The following DNAH14 variants were observed in gnomAD, a reference collection of about 807,000 sequenced individuals.
DNAH14 encodes dynein axonemal heavy chain 14.
DNAH14 carries 478 observed loss-of-function variants against 520.9 expected under a neutral mutation model. The ratio of observed to expected loss-of-function variants is 0.92; its 90% CI spans 0.85 to 0.99. DNAH14 has a LOEUF of 0.99. Among genes scored for constraint, DNAH14 ranks in the 50% least tolerant of loss-of-function variants. The pLI is 0.00. For synonymous variants in DNAH14, 1,581 were observed against 1,757.2 expected, an observed-to-expected ratio of 0.90 and a Z score of 2.51; for missense variants, 4,831 against 5,234.5, an observed-to-expected ratio of 0.92 and a Z score of 2.38.
Position 225,007,457 on chromosome 1 carries a change from G to A in DNAH14, c.1020G>A (p.Glu340=), listed in dbSNP as rs2064267556. ...RTYSLDEFCE[E]QLQQATQALK... is the part of the protein sequence containing the mutation. ...ATTCTCTAGATGAATTTTGTGAAGA[G>A]CAGTTACAGCAAGCTACCCAGGCAT... The change falls in exon 10 of 86, where the codon GAG becomes GAA. Residue 340 remains glutamate, a synonymous_variant. Coordinates refer to ENST00000682510, the MANE Select transcript of DNAH14 (RefSeq NM_001367479.1). 6.5e-7 allele frequency: 1 copy of A among 1,541,110 alleles called. No homozygotes were observed.
intron 23 of DNAH14, among the ~76,000 whole-genome samples, chr1:225,110,609 G>A (rs773165868): frequency 3.3e-5 from 5 of 149,350 alleles, no homozygotes; most frequent in Admixed American, 6.7e-5. Context: ...TTTTCTTTAT[G>A]TTTTTTTCTA....
At chr1:225,272,446 G>C (rs1395053250) in intron 51 of DNAH14, among the ~76,000 whole-genome samples, 2 of 152,126 alleles carry the variant, frequency 1.3e-5, no homozygotes, top group Non-Finnish European at 2.9e-5. Context: ...CAACAGTGCT[G>C]ACTTAGTTAT....
At chr1:225,148,684 G>C (rs1188624555) in intron 31 of DNAH14, among the ~76,000 whole-genome samples, 1 of 152,108 alleles carries the variant, frequency 6.6e-6, no homozygotes, top group Admixed American at 6.6e-5. Flanking sequence ...ACAGGCATGA[G>C]TCACTGTGCC....
chr1:225,037,273 G>A (rs957040355), intron 11 of DNAH14, among the ~76,000 whole-genome samples: 1 of 151,928 alleles, frequency 6.6e-6, no homozygotes, highest in Admixed American at 6.6e-5. Flanking sequence ...TTTATTTTTG[G>A]TTCTTTTGTG....
chr1:225,296,436 T>G (rs1229836650), intron 55 of DNAH14, among the ~76,000 whole-genome samples: 3 of 151,670 alleles, frequency 2.0e-5, no homozygotes, highest in Non-Finnish European at 4.4e-5. Flanking sequence ...GAACTATTTA[T>G]CTCATTTTGT....
intron 75 of DNAH14, 70 bp from the exon 76 acceptor site, chr1:225,364,722 G>T (rs1558529757): frequency 1.2e-5 from 14 of 1,135,490 alleles, no homozygotes; most frequent in South Asian, 1.6e-5. Flanking sequence ...ACAGTGAAAT[G>T]CTATGATTCT....
At chr1:225,093,402 T>C (rs1250949880) in intron 21 of DNAH14, among the ~76,000 whole-genome samples, 3 of 152,140 alleles carry the variant, frequency 2.0e-5, no homozygotes, top group Non-Finnish European at 4.4e-5. Context: ...TCTCAATAGA[T>C]GCAGAAAAAG....
chr1:225,127,251 C>T (rs1177898769), intron 27 of DNAH14, among the ~76,000 whole-genome samples: 1 of 152,068 alleles, frequency 6.6e-6, no homozygotes, highest in South Asian at 2.1e-4. Flanking sequence ...GAGTTCAATT[C>T]CTGGATATCC....
chr1:225,312,396 A>G (rs564621406), intron 60 of DNAH14, among the ~76,000 whole-genome samples: 2 of 152,246 alleles, frequency 1.3e-5, no homozygotes, highest in East Asian at 3.9e-4. Flanking sequence ...GCAAACAGAG[A>G]CAATTTGACT....
At chr1:225,320,675 T>C (rs1156816934) in intron 61 of DNAH14, among the ~76,000 whole-genome samples, 4 of 152,176 alleles carry the variant, frequency 2.6e-5, no homozygotes, top group African/African-American at 7.2e-5. Flanking sequence ...CCATGATACT[T>C]TCATCCTTTG....
intron 23 of DNAH14, among the ~76,000 whole-genome samples, chr1:225,108,697 G>A (rs2076274895): frequency 6.6e-6 from 1 of 151,832 alleles, no homozygotes; most frequent in Admixed American, 6.6e-5. Flanking sequence ...TTCCTTTGTT[G>A]TGCAAAAGCT....
chr1:225,329,075 A>G (rs569309976), intron 64 of DNAH14, among the ~76,000 whole-genome samples: 1 of 152,330 alleles, frequency 6.6e-6, no homozygotes, highest in African/African-American at 2.4e-5. Context: ...TCAAGTCTCC[A>G]TGCTAAACTC....
At chr1:225,260,109 A>C (rs538963232) in intron 46 of DNAH14, among the ~76,000 whole-genome samples, 40 of 152,100 alleles carry the variant, frequency 2.6e-4, no homozygotes, top group African/African-American at 9.4e-4. Context: ...CCAGCACTTT[A>C]GGAGGCAGAG....
intron 71 of DNAH14, among the ~76,000 whole-genome samples, chr1:225,348,646 A>C (rs1390155069): frequency 6.6e-6 from 1 of 152,206 alleles, no homozygotes; most frequent in East Asian, 1.9e-4. Flanking sequence ...AAAATGAAAC[A>C]AAAATTAAGG....
Position 225,322,650 on chromosome 1 carries a change from A to C in DNAH14, c.9336-14A>C, listed in dbSNP as rs1244064556. ...TAATTGTGAAGTTGATGAGATTTTC[A>C]TCATCTATTACAGAGTATACACACG... On this transcript the variant is annotated splice_polypyrimidine_tract_variant and intron_variant, in intron 61 of 85. Coordinates refer to ENST00000682510, the MANE Select transcript of DNAH14 (RefSeq NM_001367479.1). The C allele has an allele frequency of 1.4e-6, 2 of 1,437,150 alleles. No homozygotes were observed. Among genetic ancestry groups the C allele is most frequent in the African/African-American group, 2.8e-5 (2 of 70,650 alleles). The allele number at this position is 1,437,150 out of a possible 1,614,324, so 89.0% of individuals were successfully genotyped here.
chr1:225,014,015 T>G (rs2065016960), intron 10 of DNAH14, among the ~76,000 whole-genome samples: 1 of 152,140 alleles, frequency 6.6e-6, no homozygotes, highest in African/African-American at 2.4e-5. Flanking sequence ...AAAAAACTCC[T>G]GCAGCTAGCT....
chr1:225,264,981 C>T (rs1044293175), intron 47 of DNAH14, among the ~76,000 whole-genome samples: 1 of 152,142 alleles, frequency 6.6e-6, no homozygotes, highest in African/African-American at 2.4e-5. Context: ...AGCTTTTGTA[C>T]TGTTGCACTT....
At chr1:225,211,119 C>T (rs1041848568) in intron 41 of DNAH14, among the ~76,000 whole-genome samples, 2 of 152,156 alleles carry the variant, frequency 1.3e-5, no homozygotes, top group African/African-American at 2.4e-5. Context: ...TACAATTCCT[C>T]GCCAGGAAGG....
intron 17 of DNAH14, among the ~76,000 whole-genome samples, chr1:225,070,873 G>A (rs1295357382): frequency 1.3e-5 from 2 of 152,084 alleles, no homozygotes; most frequent in Non-Finnish European, 2.9e-5. Flanking sequence ...CCAGTCTTGG[G>A]TGCACATATA....
Sources: gnomAD v4.1 joint callset for allele counts (sites outside exome capture counted in the v4.1 genomes callset) on GRCh38, gnomAD v4.1.1 for gene constraint, MANE v1.5 for transcripts, NCBI Gene and HGNC (gene_info 2026-07-23, HGNC 2026-07-21) for gene names.